The following UHRF1 variants were observed in gnomAD, a reference collection of about 807,000 sequenced individuals.
The protein encoded by UHRF1 is ubiquitin like with PHD and ring finger domains 1.
A neutral mutation model predicts 96.5 loss-of-function variants in UHRF1; 9 were observed. The observed-to-expected ratio is 0.09, with a 90% CI of 0.06 to 0.16. The LOEUF (loss-of-function observed/expected upper bound fraction) is 0.16. Ranked by LOEUF, UHRF1 falls within the 10% of genes least tolerant of loss-of-function variation. The pLI, the probability that UHRF1 is intolerant of heterozygous loss-of-function variation, is 1.00. For synonymous variants in UHRF1, 455 were observed against 469.9 expected, an observed-to-expected ratio of 0.97 and a Z score of 0.41; for missense variants, 626 against 1,131.1, an observed-to-expected ratio of 0.55 and a Z score of 6.40.
chr19:4,912,242 C>T (rs958837033), intron 2 of UHRF1, among the ~76,000 whole-genome samples: 1 of 152,158 alleles, frequency 6.6e-6, no homozygotes, highest in Non-Finnish European at 1.5e-5. Flanking sequence ...GGGCCGGGCT[C>T]GACAGAGGAG....
chr19:4,952,302 C>T (rs17884147), intron 13 of UHRF1, among the ~76,000 whole-genome samples: 2 of 151,456 alleles, frequency 1.3e-5, no homozygotes, highest in Non-Finnish European at 2.9e-5. Context: ...CCATGTTGGT[C>T]AGGCTGGTCT....
At chr19:4,911,569 C>G (rs1052290286) in intron 2 of UHRF1, among the ~76,000 whole-genome samples, 7 of 152,194 alleles carry the variant, frequency 4.6e-5, no homozygotes, top group Non-Finnish European at 1.0e-4. Flanking sequence ...CACCCTGAGC[C>G]TGCTGTGCTG....
chr19:4,904,400 C>T (rs946384912), intron 1 of UHRF1, among the ~76,000 whole-genome samples: 1 of 152,094 alleles, frequency 6.6e-6, no homozygotes, highest in Non-Finnish European at 1.5e-5. Flanking sequence ...AGGATGGTCT[C>T]AATCTCCTGA....
In UHRF1 at chr19:4,954,309, G is replaced by GC; in HGVS notation, c.1819-37dup. The GC allele has an allele frequency of 2.5e-6, 4 of 1,602,080 alleles. No homozygotes were observed. Among genetic ancestry groups the GC allele is most frequent in the Non-Finnish European group, 2.6e-6 (3 of 1,175,516 alleles). ...AGAGCGGGCTCTGCATAGCGTGTGG[G>GC]CCCCAAGCCTGACTCACGGCTGTCC... On this transcript the variant is annotated intron_variant, in intron 13 of 16. Coordinates refer to ENST00000650932, the MANE Select transcript of UHRF1 (RefSeq NM_001048201.3). The surrounding 1 kb of genome is among the most constrained non-coding windows in gnomAD (Gnocchi z 5.9).
chr19:4,911,631 G>A (rs1331679482), intron 2 of UHRF1, among the ~76,000 whole-genome samples: 1 of 152,152 alleles, frequency 6.6e-6, no homozygotes, highest in African/African-American at 2.4e-5. Context: ...ACCGACCCTC[G>A]TCTCTTTCTC....
In UHRF1 at chr19:4,941,788, C is replaced by G; in HGVS notation, c.930C>G (p.Asn310Lys). The change falls in exon 7 of 17, where the codon AAC becomes AAG. Residue 310 changes from asparagine to lysine, a missense_variant. By Grantham distance (94) the Asn-to-Lys change is moderately conservative. Around this residue, in one of 11 missense-constraint regions of UHRF1, gnomAD observed 198 missense variants for 235.1 expected, o/e 0.84. Coordinates refer to ENST00000650932, the MANE Select transcript of UHRF1 (RefSeq NM_001048201.3). ...PSCKHCKDDV[N>K]RLCRVCACHL... Reference sequence around the variant, plus strand: ...GCAAGCACTGCAAGGACGACGTGAACAGACTCTGCCGGGTCTGCGCCTGCC... The same window carrying G: ...GCAAGCACTGCAAGGACGACGTGAAGAGACTCTGCCGGGTCTGCGCCTGCC... 6.4e-7 allele frequency: 1 copy of G among 1,571,526 alleles called. No individual in the cohort carries two copies. Among genetic ancestry groups the G allele is most frequent in the Non-Finnish European group, 8.6e-7 (1 of 1,158,948 alleles).
chr19:4,940,071 A>G (rs893910927), intron 5 of UHRF1, among the ~76,000 whole-genome samples: 8 of 152,046 alleles, frequency 5.3e-5, no homozygotes, highest in Non-Finnish European at 8.8e-5. Context: ...GTACAAAAGA[A>G]GAATGTAAAG....
In UHRF1 at chr19:4,930,966, T is replaced by C; in HGVS notation, c.569+90T>C. ...GTGTTCAGGCCAGAGCTTGGCACTG[T>C]CTCGAGATGGTGATCAGGATCTGGG... On this transcript the variant is annotated intron_variant, in intron 4 of 16. Coordinates refer to ENST00000650932, the MANE Select transcript of UHRF1 (RefSeq NM_001048201.3). The surrounding 1 kb of genome is among the most constrained non-coding windows in gnomAD (Gnocchi z 4.4). The C allele has an allele frequency of 2.6e-6, 4 of 1,540,992 alleles. No individual in the cohort carries two copies. The highest frequency in any genetic ancestry group is 3.5e-6 in the Non-Finnish European group (4 of 1,131,488).
chr19:4,947,360 C>G, intron 11 of UHRF1, 149 bp downstream of exon 11: 1 of 736,702 alleles, frequency 1.4e-6, no homozygotes, highest in Non-Finnish European at 2.3e-6. Context: ...CCCTCTGTCT[C>G]CCAAAGTGCT....
At chr19:4,941,710 C>T in intron 6 of UHRF1, 35 bp from the exon 7 acceptor site, 1 of 1,557,288 alleles carries the variant, frequency 6.4e-7, no homozygotes, top group Non-Finnish European at 8.7e-7. Flanking sequence ...CTTGGCCGGG[C>T]CCCGCCGGAG....
upstream of UHRF1, among the ~76,000 whole-genome samples, chr19:4,907,419 C>A (rs1027578236): frequency 3.3e-5 from 5 of 152,124 alleles, no homozygotes; most frequent in African/African-American, 1.2e-4. Flanking sequence ...CAGGCGCCGG[C>A]CACCACACCT....
chr19:4,954,908 C>T lies in UHRF1; in HGVS notation c.2130+86C>T. On this transcript the variant is annotated intron_variant, in intron 15 of 16. Transcript: ENST00000650932. The surrounding 1 kb of genome is among the most constrained non-coding windows in gnomAD (Gnocchi z 5.9). ...GCTTGTTTCCCATGTTCCCCATTTT[C>T]AAGTGTACAGCTCAGTCGCACTGAG... The T allele has an allele frequency of 2.0e-6, 3 of 1,526,978 alleles. No homozygotes were observed. The highest frequency in any genetic ancestry group is 2.7e-6 in the Non-Finnish European group (3 of 1,117,048). 94.6% of individuals were successfully genotyped at this position (1,526,978 alleles called of 1,614,324 possible). A position where few individuals can be genotyped will look rare whatever the true frequency, so the allele number is the denominator to read the frequency against.
At chr19:4,935,872 C>T (rs2146344355) in intron 5 of UHRF1, among the ~76,000 whole-genome samples, 1 of 152,288 alleles carries the variant, frequency 6.6e-6, no homozygotes, top group East Asian at 1.9e-4. Flanking sequence ...ACCAGTTATA[C>T]ACCAGCTGCT....
At chr19:4,950,390 C>T (rs541384979) in intron 11 of UHRF1, among the ~76,000 whole-genome samples, 8 of 151,834 alleles carry the variant, frequency 5.3e-5, no homozygotes, top group Non-Finnish European at 8.8e-5. Flanking sequence ...ATTACAGGCA[C>T]GCGCCACCAC....
intron 2 of UHRF1, among the ~76,000 whole-genome samples, chr19:4,917,539 A>C (rs2032562005): frequency 6.7e-6 from 1 of 149,888 alleles, no homozygotes; most frequent in Non-Finnish European, 1.5e-5. Flanking sequence ...CTGTAGTCCC[A>C]GCTACTTGGG....
In UHRF1 at chr19:4,938,730, G is replaced by T. The variant is rs12973188; in HGVS notation, c.786-2798G>T. Among the ~76,000 whole-genome samples, 142 of 61,590 alleles carry T rather than the reference G, an allele frequency of 2.3e-3. 1 individual carries two copies. Among genetic ancestry groups the T allele is most frequent in the South Asian group, 0.013 (19 of 1,452 alleles). The allele number at this position is 61,590 out of a possible 152,430, so 40.4% of individuals were successfully genotyped here. On this transcript the variant is annotated intron_variant, in intron 5 of 16. Coordinates refer to ENST00000650932, the MANE Select transcript of UHRF1 (RefSeq NM_001048201.3). ...GGCATAAGAGTTTTGTTTTGGTCAG[G>T]TTTTTTTTTTTTTTTTTTTTTTTTT... is the stretch of plus-strand genomic sequence containing the variant.
intron 7 of UHRF1, among the ~76,000 whole-genome samples, chr19:4,943,500 CCCT>C (rs1314455319): frequency 5.0e-5 from 7 of 140,186 alleles, no homozygotes; most frequent in African/African-American, 1.5e-4. Flanking sequence ...GCCCTGCCCC[CCCT>C]CCCCACATCG....
chr19:4,939,218 AT>A (rs35132707), intron 5 of UHRF1, among the ~76,000 whole-genome samples: 62,954 of 120,682 alleles, frequency 0.52, 16,436 homozygotes, highest in East Asian at 0.87. Context: ...GCACCCGGCC[AT>A]TTTTTTTTTT....
exon 1 of UHRF1, chr19:4,903,434 TC>T (rs1468441588): frequency 6.5e-6 from 1 of 153,080 alleles, no homozygotes; most frequent in Non-Finnish European, 1.5e-5. Context: ...TGCTTCAGCC[TC>T]CTGAGTAGCT....
Sources: gnomAD v4.1 joint callset for allele counts (sites outside exome capture counted in the v4.1 genomes callset) on GRCh38, gnomAD v4.1.1 for gene constraint, gnomAD v4.1.1 regional missense constraint, Gnocchi (gnomAD v3.1) non-coding constraint, MANE v1.5 for transcripts, NCBI Gene and HGNC (gene_info 2026-07-23, HGNC 2026-07-21) for gene names.